TECRL: variants seen among roughly 807,000 people sequenced by gnomAD.
The protein encoded by TECRL is trans-2,3-enoyl-CoA reductase like.
In TECRL, 63 loss-of-function variants were observed where a neutral mutation model predicts 52.8. The observed-to-expected ratio is 1.19, with a 90% confidence interval of 0.97 to 1.47. The LOEUF (loss-of-function observed/expected upper bound fraction) is 1.47, where lower values mean the gene tolerates loss of function less well. Among genes scored for constraint, TECRL ranks in the 40% most tolerant of loss-of-function variants. TECRL has a pLI of 0.00. For missense variants in TECRL, 482 were observed against 429.6 expected (o/e 1.12, Z -1.08); for synonymous variants, 164 against 141.9 (o/e 1.16, Z -1.10).
At chr4:64,400,943 A>G (rs550924044) in intron 1 of TECRL, among the ~76,000 whole-genome samples, 70 of 152,306 alleles carry the variant, frequency 4.6e-4, no homozygotes, top group African/African-American at 1.6e-3. Flanking sequence ...TGCAACAAAT[A>G]TAAGGGAAAA....
intron 1 of TECRL, among the ~76,000 whole-genome samples, chr4:64,376,180 C>A (rs1382506320): frequency 6.6e-6 from 1 of 151,808 alleles, no homozygotes; most frequent in Non-Finnish European, 1.5e-5. Context: ...ACAACAAATA[C>A]ATTTATTTTA....
chr4:64,325,298 G>C (rs1718187997), intron 3 of TECRL, among the ~76,000 whole-genome samples: 1 of 152,220 alleles, frequency 6.6e-6, no homozygotes, highest in South Asian at 2.1e-4. Context: ...TCTGCAGAAA[G>C]TAATAATTGC....
chr4:64,342,008 G>A (rs1719610696), intron 2 of TECRL, among the ~76,000 whole-genome samples: 1 of 152,146 alleles, frequency 6.6e-6, no homozygotes, highest in South Asian at 2.1e-4. Flanking sequence ...AGTAGCATGA[G>A]CTCAGTGCAA....
chr4:64,350,705 C>A (rs73230410), intron 2 of TECRL, among the ~76,000 whole-genome samples: 1,723 of 151,952 alleles, frequency 0.011, 46 homozygotes, highest in African/African-American at 0.04. Flanking sequence ...AATTTGCCAG[C>A]GGACTGCCTT....
chr4:64,294,127 C>T (rs1418552459), intron 8 of TECRL, among the ~76,000 whole-genome samples: 3 of 151,758 alleles, frequency 2.0e-5, no homozygotes, highest in Non-Finnish European at 2.9e-5. Flanking sequence ...ACTGGGATTA[C>T]AGGTGCATGC....
At chr4:64,322,360 TGGCTTTCTG>T (rs1275319582) in intron 4 of TECRL, among the ~76,000 whole-genome samples, 1 of 151,584 alleles carries the variant, frequency 6.6e-6, no homozygotes, top group Admixed American at 6.6e-5. Context: ...TCACCATCAT[TGGCTTTCTG>T]TGCAGTGAGC....
chr4:64,372,645 G>A (rs1198157558), intron 2 of TECRL, among the ~76,000 whole-genome samples: 4 of 151,700 alleles, frequency 2.6e-5, no homozygotes, highest in Admixed American at 6.6e-5. Context: ...CTGAGAAAAC[G>A]TAGGAAGACA....
chr4:64,356,378 C>T (rs140721377), intron 2 of TECRL, among the ~76,000 whole-genome samples: 8 of 151,972 alleles, frequency 5.3e-5, no homozygotes, highest in African/African-American at 1.9e-4. Flanking sequence ...CTCTTGCCTG[C>T]CCCTGGGAAC....
At chr4:64,304,055 CAAAT>C (rs1553909190) in intron 7 of TECRL, among the ~76,000 whole-genome samples, 4 of 151,164 alleles carry the variant, frequency 2.6e-5, no homozygotes, top group Admixed American at 6.6e-5. Context: ...CAGTTATTAA[CAAAT>C]AGTCAGTTTT....
Position 64,278,154 on chromosome 4 carries a change from CTA to C in TECRL, c.*1916_*1917del, listed in dbSNP as rs1165537749. The C allele has an allele frequency of 6.6e-6, 1 of 151,102 alleles. No homozygotes were observed. The highest frequency in any genetic ancestry group is 2.4e-5 in the African/African-American group (1 of 41,234). The allele number at this position is 151,102 out of a possible 1,614,324, so 9.4% of individuals were successfully genotyped here. The stretch of plus-strand genomic sequence containing the variant: ...AATATAATTTACATACAAATATAAT[CTA>C]TATATTTCAAAATATATATTTAGAA... On this transcript the variant is annotated 3_prime_UTR_variant, in exon 12 of 12. Transcript: ENST00000381210.
At chr4:64,376,090 A>G (rs1722379367) in intron 1 of TECRL, among the ~76,000 whole-genome samples, 1 of 151,936 alleles carries the variant, frequency 6.6e-6, no homozygotes, top group African/African-American at 2.4e-5. Context: ...TTAAATAAAA[A>G]ATGCATAAAA....
At chr4:64,295,113 T>C (rs1356541739) in intron 8 of TECRL, among the ~76,000 whole-genome samples, 1 of 151,618 alleles carries the variant, frequency 6.6e-6, no homozygotes, top group African/African-American at 2.4e-5. Context: ...CTATCTTTTA[T>C]ACAGACATAA....
intron 1 of TECRL, among the ~76,000 whole-genome samples, chr4:64,406,482 TTGTTA>T (rs1342224686): frequency 6.6e-6 from 1 of 151,896 alleles, no homozygotes; most frequent in Non-Finnish European, 1.5e-5. Flanking sequence ...GCATTTGTTA[TTGTTA>T]TATTTTATGT....
At chr4:64,373,471 CTCTAAA>C (rs1052072394) in intron 2 of TECRL, among the ~76,000 whole-genome samples, 1 of 151,556 alleles carries the variant, frequency 6.6e-6, no homozygotes, top group Non-Finnish European at 1.5e-5. Flanking sequence ...TAGAAGCAGG[CTCTAAA>C]TCACATAAAT....
chr4:64,329,564 G>A (rs1222212462), intron 2 of TECRL, among the ~76,000 whole-genome samples: 1 of 151,824 alleles, frequency 6.6e-6, no homozygotes, highest in Admixed American at 6.6e-5. Flanking sequence ...AGTCTATTAT[G>A]TGTGGGTATT....
intron 1 of TECRL, among the ~76,000 whole-genome samples, chr4:64,394,814 A>G (rs895583859): frequency 3.3e-5 from 5 of 152,150 alleles, no homozygotes; most frequent in African/African-American, 9.7e-5. Flanking sequence ...AACCTTGTGA[A>G]GTAGGAAACA....
chr4:64,366,875 T>C (rs1192694698), intron 2 of TECRL, among the ~76,000 whole-genome samples: 4 of 143,000 alleles, frequency 2.8e-5, no homozygotes, highest in African/African-American at 1.0e-4. Flanking sequence ...GGCCCAGCAA[T>C]ACCGTTACTA....
At chr4:64,288,837 G>A (rs936766289) in intron 9 of TECRL, among the ~76,000 whole-genome samples, 30 of 152,266 alleles carry the variant, frequency 2.0e-4, no homozygotes, top group African/African-American at 6.7e-4. Flanking sequence ...TCAACAGAAA[G>A]GACCCAATTC....
intron 8 of TECRL, among the ~76,000 whole-genome samples, chr4:64,296,426 C>T (rs1723684998): frequency 6.6e-6 from 1 of 151,638 alleles, no homozygotes; most frequent in South Asian, 2.1e-4. Flanking sequence ...TTTAAAACAC[C>T]TAAGTGACTG....
Sources: gnomAD v4.1 joint callset for allele counts (sites outside exome capture counted in the v4.1 genomes callset) on GRCh38, gnomAD v4.1.1 for gene constraint, MANE v1.5 for transcripts, NCBI Gene and HGNC (gene_info 2026-07-23, HGNC 2026-07-21) for gene names.